The following ELL variants were observed in gnomAD, a reference collection of about 807,000 sequenced individuals.
The protein encoded by ELL is elongation factor for RNA polymerase II.
In ELL, 18 loss-of-function variants were observed where a neutral mutation model predicts 64.0. The observed-to-expected ratio is 0.28, with a 90% CI of 0.19 to 0.42. The LOEUF is 0.42. ELL is among the 10% of genes least tolerant of loss of function. The pLI, the probability that ELL is intolerant of heterozygous loss-of-function variation, is 1.00. For missense variants in ELL, 797 were observed against 870.4 expected (o/e 0.92, Z 1.06); for synonymous variants, 399 against 376.2 (o/e 1.06, Z -0.70).
At chr19:18,471,650 G>A (rs1321327383) in intron 2 of ELL, among the ~76,000 whole-genome samples, 2 of 152,198 alleles carry the variant, frequency 1.3e-5, no homozygotes, top group Non-Finnish European at 2.9e-5. Context: ...CCTAGATGCA[G>A]GGGAACCTGC....
chr19:18,512,689 G>A (rs909855991), intron 1 of ELL, among the ~76,000 whole-genome samples: 31 of 152,156 alleles, frequency 2.0e-4, no homozygotes, highest in Non-Finnish European at 1.5e-5. Flanking sequence ...TTTGCTTTCT[G>A]GGATCATTTT....
Position 18,461,693 on chromosome 19 carries a change from C to G in ELL, c.629G>C (p.Arg210Pro). 1 of 1,613,532 alleles carries G rather than the reference C, an allele frequency of 6.2e-7. No individual in the cohort carries two copies. Among genetic ancestry groups the G allele is most frequent in the Non-Finnish European group, 8.5e-7 (1 of 1,179,966 alleles). Residue 210 changes from arginine (R) to proline (P), a missense_variant, in exon 5 of 12, where the codon CGA (arginine) becomes CCA (proline). By Grantham distance (103) the Arg-to-Pro change is moderately radical. Coordinates refer to ENST00000262809, the MANE Select transcript of ELL (RefSeq NM_006532.4). ...CCGTAGTGCCAGGAGGTGCAGCACT[C>G]GGTCACGGAAGGGCCTCTGGGACAC... is the stretch of plus-strand genomic sequence containing the variant. ...SGVSQRPFRD[R>P]VLHLLALRPY...
At chr19:18,498,630 T>C (rs970375714) in intron 1 of ELL, among the ~76,000 whole-genome samples, 10 of 152,194 alleles carry the variant, frequency 6.6e-5, no homozygotes, top group African/African-American at 1.7e-4. Context: ...TCTCAGGACA[T>C]TGCTGCCCCC....
intron 1 of ELL, among the ~76,000 whole-genome samples, chr19:18,507,304 A>T (rs1342931139): frequency 6.6e-6 from 1 of 152,222 alleles, no homozygotes; most frequent in Non-Finnish European, 1.5e-5. Context: ...GGGAGAGATA[A>T]CATCCCCAGA....
intron 8 of ELL, among the ~76,000 whole-genome samples, chr19:18,447,333 T>A (rs1215888961): frequency 1.3e-5 from 2 of 152,270 alleles, no homozygotes. Context: ...CATCTCTTGC[T>A]GCTGACAAAG....
At position 18,488,437 on chromosome 19, in the gene ELL, G is replaced by A. The variant is rs1043592392; in HGVS notation, c.136-15555C>T. The stretch of plus-strand genomic sequence containing the variant: ...GCAGAGGCAGCCTGTGACCAGCAGG[G>A]CATGTGCTGGCCAGGGCTGGCCCAG... On this transcript the variant is annotated intron_variant, in intron 1 of 11. Coordinates refer to ENST00000262809, the MANE Select transcript of ELL (RefSeq NM_006532.4). 6.8e-4 allele frequency among the ~76,000 whole-genome samples: 104 copies of A among 152,208 alleles called. 1 individual carries two copies. The highest frequency in any genetic ancestry group is 1.9e-4 in the Non-Finnish European group (13 of 68,036).
At chr19:18,457,663 A>G (rs544728750) in intron 6 of ELL, among the ~76,000 whole-genome samples, 4 of 152,310 alleles carry the variant, frequency 2.6e-5, no homozygotes, top group Admixed American at 2.6e-4. Flanking sequence ...GGAAGTCATT[A>G]GCCGCCTGCC....
intron 1 of ELL, among the ~76,000 whole-genome samples, chr19:18,482,761 T>G (rs1290590361): frequency 7.1e-6 from 1 of 141,352 alleles, no homozygotes; most frequent in Non-Finnish European, 1.5e-5. Context: ...ATCTTTTTGG[T>G]TTTTGTTGTT....
chr19:18,489,372 G>A (rs4808808), intron 1 of ELL, among the ~76,000 whole-genome samples: 48,480 of 152,064 alleles, frequency 0.32, 9,664 homozygotes, highest in African/African-American at 0.57. Context: ...ATGCAGGCCT[G>A]GGCAGACCTC....
chr19:18,461,017 C>G (rs1974799962), intron 5 of ELL, among the ~76,000 whole-genome samples: 1 of 152,122 alleles, frequency 6.6e-6, no homozygotes, highest in Non-Finnish European at 1.5e-5. Context: ...GCTCCAATGC[C>G]CGGGGTGTTT....
At chr19:18,513,867 G>A (rs966217251) in intron 1 of ELL, among the ~76,000 whole-genome samples, 1 of 151,920 alleles carries the variant, frequency 6.6e-6, no homozygotes, top group Non-Finnish European at 1.5e-5. Flanking sequence ...GGAGGCAGAG[G>A]TTGCAGTGAG....
chr19:18,516,502 G>A (rs190839774), intron 1 of ELL, among the ~76,000 whole-genome samples: 42 of 152,304 alleles, frequency 2.8e-4, no homozygotes, highest in Admixed American at 7.2e-4. Context: ...TCTGTCTCCT[G>A]CCACTAGAAT....
chr19:18,489,321 G>C (rs542821238), intron 1 of ELL, among the ~76,000 whole-genome samples: 2 of 152,326 alleles, frequency 1.3e-5, no homozygotes, highest in South Asian at 2.1e-4. Flanking sequence ...GTTCAGCCAG[G>C]TCAGACAACC....
chr19:18,474,382 G>T (rs550680184), intron 1 of ELL, among the ~76,000 whole-genome samples: 2 of 152,198 alleles, frequency 1.3e-5, no homozygotes, highest in Non-Finnish European at 2.9e-5. Context: ...CCCCTTCTTT[G>T]CCAAGTCTCT....
intron 1 of ELL, among the ~76,000 whole-genome samples, chr19:18,483,789 T>C (rs938076695): frequency 6.6e-6 from 1 of 152,166 alleles, no homozygotes; most frequent in Admixed American, 6.5e-5. Flanking sequence ...CCCTGCTTCA[T>C]CAGACAGACA....
intron 1 of ELL, among the ~76,000 whole-genome samples, chr19:18,481,024 G>C (rs991371881): frequency 1.3e-5 from 2 of 152,148 alleles, no homozygotes; most frequent in African/African-American, 4.8e-5. Context: ...AAAATATGCA[G>C]ATTGCCCAAA....
At chr19:18,463,620 A>G (rs1407935301) in intron 4 of ELL, among the ~76,000 whole-genome samples, 1 of 151,986 alleles carries the variant, frequency 6.6e-6, no homozygotes, top group Non-Finnish European at 1.5e-5. Flanking sequence ...GGTGTGAGCC[A>G]CTGCATCTGG....
At chr19:18,495,937 A>G (rs1252401654) in intron 1 of ELL, among the ~76,000 whole-genome samples, 1 of 152,216 alleles carries the variant, frequency 6.6e-6, no homozygotes, top group Non-Finnish European at 1.5e-5. Context: ...CTCCCGCCAC[A>G]TGGGCCTGAA....
At chr19:18,467,966 C>A (rs1334404551) in intron 2 of ELL, among the ~76,000 whole-genome samples, 3 of 145,888 alleles carry the variant, frequency 2.1e-5, no homozygotes, top group African/African-American at 7.7e-5. Context: ...CACATACAAC[C>A]ACCCCGACAG....
Sources: gnomAD v4.1 joint callset for allele counts (sites outside exome capture counted in the v4.1 genomes callset) on GRCh38, gnomAD v4.1.1 for gene constraint, MANE v1.5 for transcripts, NCBI Gene and HGNC (gene_info 2026-07-23, HGNC 2026-07-21) for gene names.